UBA6: variants seen among roughly 807,000 people sequenced by gnomAD.
The protein encoded by UBA6 is ubiquitin like modifier activating enzyme 6, also known as ubiquitin-like modifier-activating enzyme 6.
A neutral mutation model predicts 148.3 loss-of-function variants in UBA6; 87 were observed. The observed-to-expected ratio is 0.59, with a 90% CI of 0.49 to 0.70. UBA6 has a LOEUF of 0.70. Ranked by LOEUF, UBA6 falls within the 30% of genes least tolerant of loss-of-function variation. The pLI is 0.00. For synonymous variants in UBA6, 376 were observed against 401.0 expected (o/e 0.94, Z 0.75); for missense variants, 1,186 against 1,241.2 (o/e 0.96, Z 0.67).
chr4:67,625,289 A>G, intron 28 of UBA6, 102 bp from the exon 29 acceptor site: 1 of 877,478 alleles, frequency 1.1e-6, no homozygotes, highest in Non-Finnish European at 1.6e-6. Context: ...ATTCCTTTTT[A>G]TATTTTTTAA....
intron 6 of UBA6, among the ~76,000 whole-genome samples, chr4:67,675,120 T>G (rs527908165): frequency 1.2e-4 from 18 of 152,322 alleles, no homozygotes; most frequent in African/African-American, 4.1e-4. Flanking sequence ...TCTGCCTGCC[T>G]TGACTTCCAA....
intron 2 of UBA6, among the ~76,000 whole-genome samples, chr4:67,689,710 T>G (rs532361741): frequency 3.5e-4 from 54 of 152,130 alleles, no homozygotes; most frequent in African/African-American, 1.2e-3. Flanking sequence ...TCTTCTATTG[T>G]TAGTACCATC....
At chr4:67,628,457 T>G (rs551905638) in intron 27 of UBA6, among the ~76,000 whole-genome samples, 1 of 151,994 alleles carries the variant, frequency 6.6e-6, no homozygotes, top group South Asian at 2.1e-4. Flanking sequence ...CCTTCAGGTT[T>G]CTGCTAAAAT....
chr4:67,682,038 T>C lies in UBA6; in HGVS notation c.229+81A>G, dbSNP rs1037257526. The C allele has an allele frequency of 5.6e-4, 582 of 1,039,096 alleles. 6 individuals are homozygous for C. The highest frequency in any genetic ancestry group is 7.7e-5 in the Non-Finnish European group (52 of 677,690). 64.4% of individuals were successfully genotyped at this position (1,039,096 alleles called of 1,614,324 possible). ...TGGATCTAACTTCCTTTATAGGAAA[T>C]ATAAGGGGATGAAGTTAAGTTATTT... On this transcript the variant is annotated intron_variant, in intron 3 of 32. Transcript: ENST00000322244.
chr4:67,643,009 T>A (rs1456373794), intron 17 of UBA6, among the ~76,000 whole-genome samples: 1 of 151,898 alleles, frequency 6.6e-6, no homozygotes, highest in Non-Finnish European at 1.5e-5. Flanking sequence ...ATACAGAAAT[T>A]CTTATTTGGC....
intron 2 of UBA6, among the ~76,000 whole-genome samples, chr4:67,691,122 T>C (rs555231077): frequency 6.6e-6 from 1 of 152,232 alleles, no homozygotes; most frequent in East Asian, 1.9e-4. Context: ...AAAATTTTTT[T>C]GGACATTTGT....
At chr4:67,665,770 A>G (rs537908702) in intron 9 of UBA6, among the ~76,000 whole-genome samples, 30 of 152,142 alleles carry the variant, frequency 2.0e-4, no homozygotes, top group African/African-American at 7.2e-4. Flanking sequence ...CTTATAGAGA[A>G]AAAAGACAAC....
chr4:67,699,805 G>T (rs1041904464), intron 1 of UBA6, among the ~76,000 whole-genome samples: 1 of 152,134 alleles, frequency 6.6e-6, no homozygotes, highest in East Asian at 1.9e-4. Flanking sequence ...GTTTCGCCAT[G>T]TTGCCCAGGC....
Position 67,682,228 on chromosome 4 carries a change from C to T in UBA6, c.135-15G>A. The T allele has an allele frequency of 1.3e-6, 2 of 1,583,436 alleles. No individual in the cohort carries two copies. The highest frequency in any genetic ancestry group is 1.7e-6 in the Non-Finnish European group (2 of 1,156,572). On this transcript the variant is annotated splice_polypyrimidine_tract_variant and intron_variant, in intron 2 of 32. Transcript: ENST00000322244. ...ACCTCTGTCGACTACACGGAAAACA[C>T]AATAAAAAACAAAAAATTATTTCAC...
At chr4:67,638,345 G>T in intron 19 of UBA6, 1 of 157,342 alleles carries the variant, frequency 6.4e-6, no homozygotes, top group South Asian at 1.8e-4. Context: ...AAACGAGAAG[G>T]AAGAACCTAA....
chr4:67,617,380 T>C lies in UBA6; in HGVS notation c.*1617A>G, dbSNP rs1186399903. ...TGTTTTAAGTAACCTTAGTTTTAAATATGACACTTGGGATATGCACAATGG... is the reference window on the plus strand; with the variant it reads ...TGTTTTAAGTAACCTTAGTTTTAAACATGACACTTGGGATATGCACAATGG... On this transcript the variant is annotated 3_prime_UTR_variant, in exon 33 of 33. Transcript: ENST00000322244. 10 of 152,144 alleles carry C rather than the reference T, an allele frequency of 6.6e-5. No homozygotes were observed. The highest frequency in any genetic ancestry group is 2.4e-4 in the African/African-American group (10 of 41,464). The allele number at this position is 152,144 out of a possible 1,614,324, so 9.4% of individuals were successfully genotyped here. A position where few individuals can be genotyped will look rare whatever the true frequency, so the allele number is the denominator to read the frequency against.
intron 2 of UBA6, among the ~76,000 whole-genome samples, chr4:67,693,877 G>A (rs866729958): frequency 6.6e-6 from 1 of 151,912 alleles, no homozygotes; most frequent in Non-Finnish European, 1.5e-5. Context: ...CAAAGTCCTA[G>A]GTCTTATACT....
At chr4:67,628,137 G>A (rs1280931572) in intron 27 of UBA6, among the ~76,000 whole-genome samples, 1 of 151,456 alleles carries the variant, frequency 6.6e-6, no homozygotes, top group Non-Finnish European at 1.5e-5. Context: ...ATTGTCTTGC[G>A]TTTTACTACA....
At chr4:67,668,226 CT>C (rs1442582717) in intron 9 of UBA6, among the ~76,000 whole-genome samples, 2 of 152,128 alleles carry the variant, frequency 1.3e-5, no homozygotes, top group Non-Finnish European at 2.9e-5. Context: ...GCATCTGCGC[CT>C]TTTCTGTTTG....
intron 2 of UBA6, among the ~76,000 whole-genome samples, chr4:67,694,556 C>A (rs1202759779): frequency 6.6e-6 from 1 of 151,642 alleles, no homozygotes; most frequent in African/African-American, 2.4e-5. Context: ...CGCCACCACA[C>A]CCGGCTAATT....
intron 18 of UBA6, 85 bp downstream of exon 18, chr4:67,641,066 G>T (rs1414124635): frequency 3.7e-6 from 3 of 806,318 alleles, no homozygotes; most frequent in Non-Finnish European, 6.0e-6. Flanking sequence ...TAACACGATT[G>T]TTCAATCACT....
Position 67,649,343 on chromosome 4 carries a change from T to C in UBA6, c.1105-132A>G, listed in dbSNP as rs1729497633. On this transcript the variant is annotated intron_variant, in intron 13 of 32. Transcript: ENST00000322244. ...ATTCAGTTCCCCTACTAAATATCTCTAAAAATGTCCCAATTTCATGATAAC... is the reference window on the plus strand; with the variant it reads ...ATTCAGTTCCCCTACTAAATATCTCCAAAAATGTCCCAATTTCATGATAAC... 2.1e-5 allele frequency: 18 copies of C among 850,956 alleles called. No homozygotes were observed. The South Asian group carries it at 4.4e-4, about 21-fold the overall frequency. 52.7% of individuals were successfully genotyped at this position (850,956 alleles called of 1,614,324 possible).
At position 67,635,433 on chromosome 4, in the gene UBA6, C is replaced by A; in HGVS notation, c.1842+20G>T. 7.1e-7 allele frequency: 1 copy of A among 1,409,008 alleles called. No homozygotes were observed. Among genetic ancestry groups the A allele is most frequent in the South Asian group, 1.2e-5 (1 of 82,030 alleles). 87.3% of individuals were successfully genotyped at this position (1,409,008 alleles called of 1,614,324 possible). Reference sequence around the variant, plus strand: ...CAAGATATAAAAAAGACATCTATTTCAAAATATTGATTCACTTACATGACT... The same window carrying A: ...CAAGATATAAAAAAGACATCTATTTAAAAATATTGATTCACTTACATGACT... On this transcript the variant is annotated intron_variant, in intron 20 of 32. Transcript: ENST00000322244.
intron 2 of UBA6, among the ~76,000 whole-genome samples, chr4:67,686,255 C>A (rs1250980855): frequency 6.6e-6 from 1 of 152,152 alleles, no homozygotes; most frequent in African/African-American, 2.4e-5. Flanking sequence ...TGATGTAACA[C>A]CCCTCCAAAC....
Sources: gnomAD v4.1 joint callset for allele counts (sites outside exome capture counted in the v4.1 genomes callset) on GRCh38, gnomAD v4.1.1 for gene constraint, MANE v1.5 for transcripts, NCBI Gene and HGNC (gene_info 2026-07-23, HGNC 2026-07-21) for gene names.